SHROOM4: variants seen among roughly 807,000 people sequenced by gnomAD.
SHROOM4 encodes the protein protein Shroom4.
A neutral mutation model predicts 80.3 loss-of-function variants in SHROOM4; 17 were observed. That is an observed-to-expected ratio of 0.21 (90% CI 0.14 to 0.32). The LOEUF (loss-of-function observed/expected upper bound fraction) is 0.32, where lower values mean the gene tolerates loss of function less well. Ranked by LOEUF, SHROOM4 falls within the 10% of genes least tolerant of loss-of-function variation. The pLI is 1.00. For synonymous variants in SHROOM4, 400 were observed against 437.5 expected (o/e 0.91, Z 1.07); for missense variants, 993 against 1,140.3 (o/e 0.87, Z 1.86).
intron 1 of SHROOM4, among the ~76,000 whole-genome samples, chrX:50,753,158 C>G (rs1557268163): frequency 9.0e-6 from 1 of 111,709 alleles, no homozygotes; most frequent in Non-Finnish European, 1.9e-5. Flanking sequence ...TTTGATGACC[C>G]TGAAGTCCCT....
intron 2 of SHROOM4, among the ~76,000 whole-genome samples, chrX:50,651,792 C>T (rs1262164900): frequency 9.7e-6 from 1 of 102,785 alleles, no homozygotes; most frequent in Non-Finnish European, 2.0e-5. Context: ...TCCATGTGTT[C>T]TCATTGTTCA....
rs781851107 is a variant in SHROOM4 at position 50,595,785 on chromosome X, A to C, written c.*910T>G. ...TCTCCAACTTCCCTCTTCTCGCCTT[A>C]TTAGTTAAAAAAGAAAAAAATAATC... On this transcript the variant is annotated 3_prime_UTR_variant, in exon 9 of 9. Transcript: ENST00000376020. 3 of 310,515 alleles carry C rather than the reference A, an allele frequency of 9.7e-6. No individual in the cohort carries two copies. Among genetic ancestry groups the C allele is most frequent in the Non-Finnish European group, 1.2e-5 (2 of 165,003 alleles). 25.6% of individuals were successfully genotyped at this position (310,515 alleles called of 1,213,427 possible). A position where few individuals can be genotyped will look rare whatever the true frequency, so the allele number is the denominator to read the frequency against.
chrX:50,624,825 T>C (rs1011625469), intron 5 of SHROOM4, among the ~76,000 whole-genome samples: 2 of 110,522 alleles, frequency 1.8e-5, no homozygotes, highest in African/African-American at 6.6e-5. Context: ...CACCAAGTTT[T>C]CTCTACCTTG....
chrX:50,775,854 G>C (rs1021149054), intron 1 of SHROOM4, among the ~76,000 whole-genome samples: 1 of 112,441 alleles, frequency 8.9e-6, no homozygotes, highest in African/African-American at 3.2e-5. Context: ...GCAAAAGCCA[G>C]GAGGAAATTC....
At chrX:50,790,719 A>G (rs186902924) in intron 1 of SHROOM4, among the ~76,000 whole-genome samples, 15 of 112,124 alleles carry the variant, frequency 1.3e-4, no homozygotes, top group African/African-American at 4.8e-4. Flanking sequence ...TGAGATACAA[A>G]AAAAGCATTT....
intron 2 of SHROOM4, among the ~76,000 whole-genome samples, chrX:50,648,919 C>T (rs1470488295): frequency 9.0e-6 from 1 of 111,319 alleles, no homozygotes; most frequent in South Asian, 3.8e-4. Context: ...ATGGTACGAG[C>T]GGTATTATAG....
intron 5 of SHROOM4, among the ~76,000 whole-genome samples, chrX:50,620,099 C>A (rs1557251733): frequency 9.0e-6 from 1 of 111,357 alleles, no homozygotes; most frequent in Non-Finnish European, 1.9e-5. Context: ...TTTAACTTCT[C>A]GGGTCTATAT....
At chrX:50,649,402 C>A (rs949574572) in intron 2 of SHROOM4, among the ~76,000 whole-genome samples, 1 of 111,190 alleles carries the variant, frequency 9.0e-6, no homozygotes, top group African/African-American at 3.3e-5. Context: ...GCAAAGGAGA[C>A]GGGGGATGAT....
intron 1 of SHROOM4, among the ~76,000 whole-genome samples, chrX:50,760,332 C>CTTTT (rs59845169): frequency 2.2e-5 from 2 of 89,563 alleles, no homozygotes; most frequent in East Asian, 3.6e-4. Flanking sequence ...TCTCTAGTAA[C>CTTTT]TTTTTTTTTT....
intron 6 of SHROOM4, among the ~76,000 whole-genome samples, chrX:50,606,030 G>A (rs183651770): frequency 1.8e-5 from 2 of 110,377 alleles, no homozygotes; most frequent in Admixed American, 1.9e-4. Context: ...TGCTCCCCAG[G>A]TAGAAGAACA....
At chrX:50,584,451 C>T (rs782778273), downstream of SHROOM4, among the ~76,000 whole-genome samples, 1 of 111,656 alleles carries the variant, frequency 9.0e-6, no homozygotes, top group South Asian at 3.8e-4. Flanking sequence ...TGAAACCTAT[C>T]AAAATGACCT....
intron 1 of SHROOM4, among the ~76,000 whole-genome samples, chrX:50,744,405 TATTTTC>T (rs1480157139): frequency 1.8e-5 from 2 of 112,196 alleles, no homozygotes; most frequent in African/African-American, 6.5e-5. Flanking sequence ...TTGCTTATTT[TATTTTC>T]AAGTCCAGAA....
chrX:50,802,020 G>T (rs1168920194), intron 1 of SHROOM4, among the ~76,000 whole-genome samples: 9 of 111,789 alleles, frequency 8.1e-5, no homozygotes, highest in African/African-American at 2.9e-4. Context: ...ATCGGGTGAT[G>T]TTGCACAAAA....
At chrX:50,579,830 A>C in the SHROOM4 span, among the ~76,000 whole-genome samples, 1 of 111,486 alleles carries the variant, frequency 9.0e-6, no homozygotes, top group Admixed American at 9.6e-5. Flanking sequence ...ACAAGGATAA[A>C]AAGCATAGAT....
At chrX:50,736,241 G>T (rs1934488173) in intron 1 of SHROOM4, among the ~76,000 whole-genome samples, 1 of 110,739 alleles carries the variant, frequency 9.0e-6, no homozygotes, top group South Asian at 3.9e-4. Flanking sequence ...ACTGTGGAAA[G>T]CAGTCTAATT....
At chrX:50,664,248 C>A (rs1403755231) in intron 2 of SHROOM4, among the ~76,000 whole-genome samples, 2 of 112,071 alleles carry the variant, frequency 1.8e-5, no homozygotes, top group Non-Finnish European at 3.8e-5. Context: ...GCATTCAAAA[C>A]CCCCAAGTCC....
At chrX:50,654,362 A>C (rs1932227654) in intron 2 of SHROOM4, among the ~76,000 whole-genome samples, 1 of 111,770 alleles carries the variant, frequency 8.9e-6, no homozygotes, top group African/African-American at 3.2e-5. Flanking sequence ...ATTTACATTC[A>C]CAAACCTCAA....
chrX:50,601,763 T>C (rs1557247681), intron 7 of SHROOM4, among the ~76,000 whole-genome samples: 1 of 112,159 alleles, frequency 8.9e-6, no homozygotes, highest in Non-Finnish European at 1.9e-5. Flanking sequence ...TGCAAATAAA[T>C]ACTAAAGTTT....
At chrX:50,650,560 A>G (rs1316828539) in intron 2 of SHROOM4, among the ~76,000 whole-genome samples, 1 of 108,437 alleles carries the variant, frequency 9.2e-6, no homozygotes, top group African/African-American at 3.4e-5. Flanking sequence ...GGGTTTCACC[A>G]TGTTGGCTAG....
Sources: allele counts gnomAD v4.1 joint callset (sites outside exome capture counted in the v4.1 genomes callset), GRCh38; gene constraint gnomAD v4.1.1; transcripts MANE v1.5; gene names NCBI Gene and HGNC (gene_info 2026-07-23, HGNC 2026-07-21).